ERBB4: variants seen among roughly 807,000 people sequenced by gnomAD.
ERBB4 encodes the protein erb-b2 receptor tyrosine kinase 4, also known as receptor tyrosine-protein kinase erbB-4.
A neutral mutation model predicts 158.0 loss-of-function variants in ERBB4; 42 were observed. That is an observed-to-expected ratio of 0.27 (90% CI 0.21 to 0.34). The LOEUF is 0.34. Ranked by LOEUF, ERBB4 falls within the 10% of genes least tolerant of loss-of-function variation. The pLI is 1.00. For missense variants in ERBB4, 1,333 were observed against 1,624.1 expected (o/e 0.82, Z 3.08); for synonymous variants, 583 against 558.7 (o/e 1.04, Z -0.61).
At chr2:212,412,044 G>T (rs2091515097) in intron 1 of ERBB4, among the ~76,000 whole-genome samples, 1 of 151,970 alleles carries the variant, frequency 6.6e-6, no homozygotes, top group Non-Finnish European at 1.5e-5. Flanking sequence ...TCACATATCA[G>T]TCCACCATAT....
At chr2:211,622,377 A>T (rs1398509912) in intron 18 of ERBB4, among the ~76,000 whole-genome samples, 2 of 152,166 alleles carry the variant, frequency 1.3e-5, no homozygotes, top group Non-Finnish European at 2.9e-5. Flanking sequence ...TAGGTACTCA[A>T]ATTTTTGTCA....
intron 1 of ERBB4, among the ~76,000 whole-genome samples, chr2:212,453,373 G>A (rs1688103513): frequency 6.6e-6 from 1 of 152,164 alleles, no homozygotes; most frequent in African/African-American, 2.4e-5. Context: ...TTCAAAAATG[G>A]AGATATTCAA....
At chr2:211,520,979 T>C (rs998096755) in intron 20 of ERBB4, among the ~76,000 whole-genome samples, 4 of 152,146 alleles carry the variant, frequency 2.6e-5, no homozygotes, top group Non-Finnish European at 5.9e-5. Flanking sequence ...AATCAGCCAT[T>C]ACCCAATCTT....
At chr2:211,578,211 A>G (rs898732192) in intron 19 of ERBB4, among the ~76,000 whole-genome samples, 10 of 152,160 alleles carry the variant, frequency 6.6e-5, no homozygotes, top group African/African-American at 2.4e-4. Context: ...CAATTGCTAC[A>G]AACAGAATAA....
intron 3 of ERBB4, among the ~76,000 whole-genome samples, chr2:211,943,823 G>T (rs767720584): frequency 1.3e-5 from 2 of 151,892 alleles, no homozygotes; most frequent in Admixed American, 6.6e-5. Context: ...TAATTTTTTA[G>T]GCCATGCAGC....
At chr2:212,327,183 CTAT>C (rs1159718632) in intron 1 of ERBB4, among the ~76,000 whole-genome samples, 3 of 142,518 alleles carry the variant, frequency 2.1e-5, no homozygotes, top group Admixed American at 6.8e-5. Context: ...TAAATTATGG[CTAT>C]TATTATTGTT....
chr2:212,511,193 C>T (rs898797048), intron 1 of ERBB4, among the ~76,000 whole-genome samples: 1 of 152,062 alleles, frequency 6.6e-6, no homozygotes, highest in Non-Finnish European at 1.5e-5. Context: ...ACTTTTTTGT[C>T]TTGTCTTACC....
intron 20 of ERBB4, among the ~76,000 whole-genome samples, chr2:211,535,087 C>T (rs2066608804): frequency 6.6e-6 from 1 of 151,998 alleles, no homozygotes; most frequent in African/African-American, 2.4e-5. Context: ...TTTATTGTTA[C>T]AGTCACCTTT....
Position 211,841,921 on chromosome 2 carries a change from T to A in ERBB4, c.422-53762A>T, listed in dbSNP as rs144248312. 6.2e-3 allele frequency among the ~76,000 whole-genome samples: 942 copies of A among 152,196 alleles called. 11 individuals are homozygous for A. The highest frequency in any genetic ancestry group is 0.021 in the African/African-American group (887 of 41,574). On this transcript the variant is annotated intron_variant, in intron 3 of 27. Coordinates refer to ENST00000342788, the MANE Select transcript of ERBB4 (RefSeq NM_005235.3). ...AGTTGGTAATGGATAATTCAGCAGTTAAAATTATATATGGACATTTTTGCC... is the reference window on the plus strand; with the variant it reads ...AGTTGGTAATGGATAATTCAGCAGTAAAAATTATATATGGACATTTTTGCC...
At chr2:212,086,688 A>G (rs550731452) in intron 2 of ERBB4, among the ~76,000 whole-genome samples, 214 of 152,056 alleles carry the variant, frequency 1.4e-3, no homozygotes, top group Non-Finnish European at 2.6e-3. Context: ...GATTTCAAAT[A>G]AAACTCCACA....
chr2:212,149,199 TA>T (rs1339805279), intron 1 of ERBB4, among the ~76,000 whole-genome samples: 2 of 152,174 alleles, frequency 1.3e-5, no homozygotes, highest in Non-Finnish European at 2.9e-5. Flanking sequence ...TTTGATTTTC[TA>T]AATTCACATA....
At chr2:212,358,932 G>C (rs1309519864) in intron 1 of ERBB4, among the ~76,000 whole-genome samples, 1 of 151,648 alleles carries the variant, frequency 6.6e-6, no homozygotes, top group African/African-American at 2.4e-5. Flanking sequence ...GTTTAGAAAA[G>C]TATATTATCC....
chr2:212,279,644 T>A (rs2085677888), intron 1 of ERBB4, among the ~76,000 whole-genome samples: 1 of 151,664 alleles, frequency 6.6e-6, no homozygotes, highest in African/African-American at 2.4e-5. Context: ...TTTGCTTTTT[T>A]AATTAATCAA....
chr2:212,043,773 G>C (rs1000425443), intron 2 of ERBB4, among the ~76,000 whole-genome samples: 8 of 152,132 alleles, frequency 5.3e-5, no homozygotes, highest in Middle Eastern at 6.8e-3. Context: ...TTGTGACCTT[G>C]AACAAGTTAT....
intron 19 of ERBB4, among the ~76,000 whole-genome samples, chr2:211,563,957 C>T (rs2125727503): frequency 6.6e-6 from 1 of 152,234 alleles, no homozygotes; most frequent in Non-Finnish European, 1.5e-5. Context: ...AACTTTGAAA[C>T]ATTTCAAAAT....
intron 16 of ERBB4, among the ~76,000 whole-genome samples, chr2:211,654,559 C>T (rs2071137372): frequency 6.6e-6 from 1 of 152,158 alleles, no homozygotes; most frequent in East Asian, 1.9e-4. Context: ...AAATTACTAA[C>T]TTCGTGAGGT....
At chr2:212,059,796 A>G (rs1478957327) in intron 2 of ERBB4, among the ~76,000 whole-genome samples, 1 of 152,234 alleles carries the variant, frequency 6.6e-6, no homozygotes, top group Non-Finnish European at 1.5e-5. Flanking sequence ...TTAATTCGAG[A>G]TGGATTAAAG....
At chr2:211,406,102 C>T (rs887852902) in intron 25 of ERBB4, among the ~76,000 whole-genome samples, 5 of 152,136 alleles carry the variant, frequency 3.3e-5, no homozygotes, top group South Asian at 4.1e-4. Flanking sequence ...TACTAGAAGC[C>T]AGGTCTGACT....
intron 1 of ERBB4, among the ~76,000 whole-genome samples, chr2:212,445,579 C>T (rs1041578891): frequency 3.3e-5 from 5 of 152,118 alleles, no homozygotes; most frequent in Middle Eastern, 3.2e-3. Context: ...AAGATGAAAT[C>T]AGACTACTAC....
Sources: gnomAD v4.1 joint callset for allele counts (sites outside exome capture counted in the v4.1 genomes callset) on GRCh38, gnomAD v4.1.1 for gene constraint, MANE v1.5 for transcripts, NCBI Gene and HGNC (gene_info 2026-07-23, HGNC 2026-07-21) for gene names.